Variants in STPG2 observed in about 807,000 individuals in gnomAD.
STPG2 encodes the protein sperm-tail PG-rich repeat-containing protein 2.
STPG2 carries 56 observed loss-of-function variants against 54.2 expected under a neutral mutation model. The observed-to-expected ratio is 1.03, with a 90% CI of 0.83 to 1.29. The LOEUF (loss-of-function observed/expected upper bound fraction) is 1.29, where lower values mean the gene tolerates loss of function less well. STPG2 is among the 50% of genes most tolerant of loss of function. The pLI, the probability that STPG2 is intolerant of heterozygous loss-of-function variation, is 0.00. For missense variants in STPG2, 596 were observed against 544.9 expected (o/e 1.09, Z -0.93); for synonymous variants, 200 against 181.8 (o/e 1.10, Z -0.81).
At chr4:97,563,353 C>T (rs1011852260) in intron 10 of STPG2, among the ~76,000 whole-genome samples, 30 of 150,804 alleles carry the variant, frequency 2.0e-4, no homozygotes, top group African/African-American at 6.5e-4. Flanking sequence ...GTCTTGCTAG[C>T]GGTCTATCAA....
chr4:97,798,089 C>T (rs1727260968), intron 9 of STPG2, among the ~76,000 whole-genome samples: 1 of 152,052 alleles, frequency 6.6e-6, no homozygotes, highest in Admixed American at 6.6e-5. Flanking sequence ...CTTTATTACT[C>T]TTGCTAGTGG....
intron 4 of STPG2, among the ~76,000 whole-genome samples, chr4:97,494,973 G>A (rs2148829496): frequency 6.6e-6 from 1 of 151,508 alleles, no homozygotes; most frequent in African/African-American, 2.4e-5. Context: ...AAGAAAAAAT[G>A]ATAATGTAAA....
chr4:97,520,638 C>G (rs925669581), intron 4 of STPG2, among the ~76,000 whole-genome samples: 1 of 151,964 alleles, frequency 6.6e-6, no homozygotes, highest in Admixed American at 6.6e-5. Context: ...GAATGCTACC[C>G]AACCTGCCAA....
intron 5 of STPG2, among the ~76,000 whole-genome samples, chr4:98,004,174 C>G (rs918445000): frequency 1.3e-5 from 2 of 152,160 alleles, no homozygotes; most frequent in Non-Finnish European, 2.9e-5. Context: ...CTCCCAGCCC[C>G]TAACAACCAC....
chr4:97,616,480 A>C (rs932344874), intron 10 of STPG2, among the ~76,000 whole-genome samples: 2 of 152,106 alleles, frequency 1.3e-5, no homozygotes, highest in Non-Finnish European at 2.9e-5. Flanking sequence ...TTTTGTATCT[A>C]TCTAGAAACA....
intron 10 of STPG2, among the ~76,000 whole-genome samples, chr4:97,702,707 T>A (rs2148998775): frequency 6.6e-6 from 1 of 152,218 alleles, no homozygotes; most frequent in Non-Finnish European, 1.5e-5. Context: ...CAAAAAAGCT[T>A]CACCAGAGTT....
chr4:97,877,753 T>C (rs1730231589), intron 8 of STPG2, among the ~76,000 whole-genome samples: 1 of 152,088 alleles, frequency 6.6e-6, no homozygotes, highest in Admixed American at 6.6e-5. Context: ...ATTCCACCCC[T>C]GGCCCCTCCC....
chr4:97,667,560 G>T (rs1722566622), intron 10 of STPG2, among the ~76,000 whole-genome samples: 1 of 152,128 alleles, frequency 6.6e-6, no homozygotes, highest in Non-Finnish European at 1.5e-5. Context: ...CTGCAGGTAA[G>T]GCATGTTAAC....
intron 8 of STPG2, among the ~76,000 whole-genome samples, chr4:97,925,601 C>T (rs1368872245): frequency 6.6e-6 from 1 of 151,992 alleles, no homozygotes; most frequent in Non-Finnish European, 1.5e-5. Context: ...CAAAGCAAAC[C>T]CTAAAAACTG....
At chr4:97,779,666 A>G (rs1057461211) in intron 9 of STPG2, among the ~76,000 whole-genome samples, 3 of 152,242 alleles carry the variant, frequency 2.0e-5, no homozygotes, top group South Asian at 2.1e-4. Context: ...AAAAAATATT[A>G]AGGGCAGCCA....
intron 4 of STPG2, among the ~76,000 whole-genome samples, chr4:97,473,879 C>T (rs1290910616): frequency 1.3e-5 from 2 of 152,074 alleles, no homozygotes; most frequent in Non-Finnish European, 2.9e-5. Flanking sequence ...CATGAAATAT[C>T]GGGGGTGAAT....
At position 97,495,588 on chromosome 4, in the gene STPG2, G is replaced by A. The variant is rs1207744598; in HGVS notation, c.462+217111C>T. Among the ~76,000 whole-genome samples, 13 of 150,638 alleles carry A rather than the reference G, an allele frequency of 8.6e-5. No individual in the cohort carries two copies. The Admixed American group carries it at 8.6e-4, about 10-fold the overall frequency. On this transcript the variant is annotated intron_variant, in intron 4 of 4. Coordinates refer to the STPG2 transcript ENST00000522676. ...GATCTCAAAAACTAAGGAAATGCAG[G>A]TAAACTCTATATTAATTATCTGTAT...
chr4:97,712,732 G>A lies in STPG2; in HGVS notation c.1287C>T (p.Ser429=), dbSNP rs1315397925. 1 of 1,606,344 alleles carries A rather than the reference G, an allele frequency of 6.2e-7. No individual in the cohort carries two copies. The highest frequency in any genetic ancestry group is 1.3e-5 in the African/African-American group (1 of 74,670). The change falls in exon 10 of 11, where the codon TCC becomes TCT. Residue 429 remains serine, a synonymous_variant. Coordinates refer to ENST00000295268, the MANE Select transcript of STPG2 (RefSeq NM_174952.3). The stretch of plus-strand genomic sequence containing the variant: ...TTGCTGGGCCTGGAGTAATCTCTTT[G>A]GACTCTTCAAAGCGCTTTGATGCTT... The part of the protein sequence containing the change: ...FVKASKRFEE[S]KEITPGPATY...
chr4:97,538,815 G>T (rs1429138100), intron 4 of STPG2, among the ~76,000 whole-genome samples: 1 of 152,142 alleles, frequency 6.6e-6, no homozygotes, highest in Admixed American at 6.5e-5. Flanking sequence ...ACCCACAAAG[G>T]GAAGCACATC....
intron 6 of STPG2, among the ~76,000 whole-genome samples, chr4:97,979,664 TC>T (rs1734607784): frequency 1.3e-5 from 2 of 151,742 alleles, no homozygotes; most frequent in South Asian, 4.2e-4. Context: ...GGTGGAAAGA[TC>T]ATTTAAGGTT....
chr4:98,017,147 C>G (rs1560637300), intron 5 of STPG2, among the ~76,000 whole-genome samples: 1 of 152,334 alleles, frequency 6.6e-6, no homozygotes, highest in East Asian at 1.9e-4. Context: ...AGACTGGTAC[C>G]TCAGTCTACT....
chr4:97,576,378 A>G (rs1359147477), intron 10 of STPG2, among the ~76,000 whole-genome samples: 1 of 152,068 alleles, frequency 6.6e-6, no homozygotes, highest in African/African-American at 2.4e-5. Flanking sequence ...CTACGAGGCT[A>G]TGGTAACCAA....
At chr4:98,116,766 A>G (rs1342563130) in intron 3 of STPG2, among the ~76,000 whole-genome samples, 2 of 151,936 alleles carry the variant, frequency 1.3e-5, no homozygotes, top group Non-Finnish European at 1.5e-5. Flanking sequence ...AAAAACTCCC[A>G]TGGCCAGAAA....
At chr4:97,557,449 T>C (rs574385450), downstream of STPG2, among the ~76,000 whole-genome samples, 8 of 152,302 alleles carry the variant, frequency 5.3e-5, no homozygotes, top group South Asian at 1.2e-3. Context: ...CATCATCATG[T>C]AGCATACAAA....
Sources: allele counts gnomAD v4.1 joint callset (sites outside exome capture counted in the v4.1 genomes callset), GRCh38; gene constraint gnomAD v4.1.1; transcripts MANE v1.5; gene names NCBI Gene and HGNC (gene_info 2026-07-23, HGNC 2026-07-21).